CD36: variants seen among roughly 807,000 people sequenced by gnomAD.
CD36 encodes the protein CD36 molecule (CD36 blood group).
CD36 carries 119 observed loss-of-function variants against 55.2 expected under a neutral mutation model. That is an observed-to-expected ratio of 2.15 (90% confidence interval 1.86 to 2.51). CD36 has a LOEUF of 2.51. Among genes scored for constraint, CD36 ranks in the 30% most tolerant of loss-of-function variants. CD36 has a pLI of 0.00. For synonymous variants in CD36, 186 were observed against 193.6 expected, an observed-to-expected ratio of 0.96 and a Z score of 0.33; for missense variants, 819 against 555.5, an observed-to-expected ratio of 1.47 and a Z score of -4.77.
At chr7:80,654,680 A>G (rs762026465) in intron 3 of CD36, among the ~76,000 whole-genome samples, 3 of 152,174 alleles carry the variant, frequency 2.0e-5, no homozygotes, top group African/African-American at 4.8e-5. Context: ...AAAAAGTAAT[A>G]AAGATTCCAT....
intron 3 of CD36, among the ~76,000 whole-genome samples, chr7:80,650,927 C>A (rs199604938): frequency 8.9e-3 from 1,181 of 132,902 alleles, no homozygotes; most frequent in South Asian, 0.011. Context: ...TGCAGTCTTT[C>A]AAAAAAAAAA....
At chr7:80,613,668 G>A (rs906395894) in intron 1 of CD36, among the ~76,000 whole-genome samples, 3 of 152,018 alleles carry the variant, frequency 2.0e-5, no homozygotes, top group East Asian at 3.9e-4. Flanking sequence ...AATCTTTTAC[G>A]GATGAGAGAT....
chr7:80,655,425 G>T (rs1334482686), intron 3 of CD36, among the ~76,000 whole-genome samples: 2 of 152,092 alleles, frequency 1.3e-5, no homozygotes, highest in South Asian at 4.1e-4. Context: ...CAGTCCCAAA[G>T]CTCCTAAAGC....
upstream of CD36, among the ~76,000 whole-genome samples, chr7:80,638,088 A>G (rs1794547788): frequency 6.6e-6 from 1 of 152,040 alleles, no homozygotes; most frequent in Non-Finnish European, 1.5e-5. Flanking sequence ...TTCCAGCTAG[A>G]ACAATAGGCT....
At chr7:80,651,455 AG>A (rs746610684) in intron 3 of CD36, among the ~76,000 whole-genome samples, 1 of 152,202 alleles carries the variant, frequency 6.6e-6, no homozygotes, top group Non-Finnish European at 1.5e-5. Context: ...ACACCAAAAA[AG>A]GAATTATAGG....
chr7:80,650,194 T>TA (rs1191300308), intron 3 of CD36, among the ~76,000 whole-genome samples: 1 of 152,070 alleles, frequency 6.6e-6, no homozygotes, highest in Non-Finnish European at 1.5e-5. Flanking sequence ...GTAAGCCCCC[T>TA]ACATGTCCAT....
Position 80,678,321 on chromosome 7 carries a change from A to G in CD36, c.*1938A>G, listed in dbSNP as rs1474738617. The G allele has an allele frequency of 6.6e-6, 1 of 152,170 alleles. No homozygotes were observed. The highest frequency in any genetic ancestry group is 1.5e-5 in the Non-Finnish European group (1 of 68,030). The allele number at this position is 152,170 out of a possible 1,614,324, so 9.4% of individuals were successfully genotyped here. The stretch of plus-strand genomic sequence containing the variant: ...TTCTTTCCAAAGCTGGTTATTAACC[A>G]CAGAATTATAGCAGGTATTCATAAC... On this transcript the variant is annotated 3_prime_UTR_variant, in exon 15 of 15. Coordinates refer to ENST00000447544, the MANE Select transcript of CD36 (RefSeq NM_001001548.3).
chr7:80,672,160 T>C, intron 11 of CD36, 120 bp downstream of exon 11: 1 of 863,200 alleles, frequency 1.2e-6, no homozygotes, highest in African/African-American at 1.7e-5. Context: ...AATCACATTC[T>C]TGAAAGTTAC....
chr7:80,612,216 A>G (rs1792911874), intron 1 of CD36, among the ~76,000 whole-genome samples: 2 of 152,188 alleles, frequency 1.3e-5, no homozygotes, highest in Admixed American at 1.3e-4. Flanking sequence ...GTCCTTCTTA[A>G]GTTCTATAAT....
At chr7:80,632,534 A>C (rs1024819235) in intron 1 of CD36, among the ~76,000 whole-genome samples, 2 of 151,994 alleles carry the variant, frequency 1.3e-5, no homozygotes, top group South Asian at 4.1e-4. Flanking sequence ...TGTCAATATA[A>C]TTTTTTAAAA....
chr7:80,619,618 G>A (rs1252730487), intron 1 of CD36, among the ~76,000 whole-genome samples: 2 of 139,688 alleles, frequency 1.4e-5, no homozygotes, highest in Non-Finnish European at 3.0e-5. Flanking sequence ...GTGCACTCCA[G>A]CCTGGGTGAC....
intron 1 of CD36, among the ~76,000 whole-genome samples, chr7:80,618,944 G>A (rs181124898): frequency 1.0e-3 from 155 of 151,604 alleles, no homozygotes; most frequent in Non-Finnish European, 1.3e-3. Flanking sequence ...GCCTTCCATT[G>A]GAAAAAGGTG....
Position 80,671,099 on chromosome 7 carries a change from C to T in CD36, c.941C>T (p.Thr314Ile). 2 of 1,613,144 alleles carry T rather than the reference C, an allele frequency of 1.2e-6. No individual in the cohort carries two copies. The part of the protein sequence containing the change: ...VENPDNYCFC[T>I]EKIISKNCTS... ...AACCCAGACAACTATTGTTTCTGCA[C>T]AGAAAAAATTATCTCAAAAAATTGT... The change falls in exon 10 of 15, where the codon ACA (threonine) becomes ATA (isoleucine). Residue 314 changes from threonine (T) to isoleucine (I), a missense_variant. Transcript: ENST00000447544.
At chr7:80,629,223 T>C (rs1004299597) in intron 1 of CD36, among the ~76,000 whole-genome samples, 1 of 151,994 alleles carries the variant, frequency 6.6e-6, no homozygotes, top group Non-Finnish European at 1.5e-5. Flanking sequence ...CTTATTTGGA[T>C]GGTAGGTTTG....
At chr7:80,634,606 G>A (rs1359200783), upstream of CD36, among the ~76,000 whole-genome samples, 1 of 151,866 alleles carries the variant, frequency 6.6e-6, no homozygotes. Context: ...GGAATCACAC[G>A]GGCCATGTGA....
intron 1 of CD36, among the ~76,000 whole-genome samples, chr7:80,632,155 T>A (rs1248118800): frequency 6.6e-6 from 1 of 151,900 alleles, no homozygotes; most frequent in Non-Finnish European, 1.5e-5. Context: ...TAGATTGTTT[T>A]ATATTCCTTT....
At chr7:80,636,200 G>A (rs987637470), upstream of CD36, among the ~76,000 whole-genome samples, 6 of 152,052 alleles carry the variant, frequency 3.9e-5, no homozygotes, top group African/African-American at 1.4e-4. Context: ...GTAGGAAGTG[G>A]GGGTGATGAA....
Position 80,671,240 on chromosome 7 carries a change from C to G in CD36, c.1006+76C>G. 5 of 894,774 alleles carry G rather than the reference C, an allele frequency of 5.6e-6. No individual in the cohort carries two copies. In the South Asian group the frequency reaches 7.7e-5, roughly 14 times the overall value. The allele number at this position is 894,774 out of a possible 1,614,324, so 55.4% of individuals were successfully genotyped here. ...TTTAAGATGAGAACTTTACCATAAT[C>G]CTTTAGCAACCAAAATTTAAAATAT... On this transcript the variant is annotated intron_variant, in intron 10 of 14. Transcript: ENST00000447544.
chr7:80,643,391 A>G (rs1359306391), intron 1 of CD36, among the ~76,000 whole-genome samples: 1 of 152,222 alleles, frequency 6.6e-6, no homozygotes, highest in Non-Finnish European at 1.5e-5. Flanking sequence ...AGTGAAGTTT[A>G]TGTGGAACAT....
Sources: allele counts gnomAD v4.1 joint callset (sites outside exome capture counted in the v4.1 genomes callset), GRCh38; gene constraint gnomAD v4.1.1; transcripts MANE v1.5; gene names NCBI Gene and HGNC (gene_info 2026-07-23, HGNC 2026-07-21).